Variants in CWC25 observed in about 807,000 individuals in gnomAD.
CWC25 encodes pre-mRNA-splicing factor CWC25 homolog.
Under a neutral mutation model 54.6 loss-of-function variants are expected in CWC25, and 31 were observed. The observed-to-expected ratio is 0.57, with a 90% CI of 0.43 to 0.77. CWC25 has a LOEUF of 0.77. Ranked by LOEUF, CWC25 falls within the 30% of genes least tolerant of loss-of-function variation. The pLI is 0.00. For missense variants in CWC25, 453 were observed against 529.3 expected, an observed-to-expected ratio of 0.86 and a Z score of 1.41; for synonymous variants, 151 against 187.0, an observed-to-expected ratio of 0.81 and a Z score of 1.57.
chr17:38,817,003 T>TC lies in CWC25; in HGVS notation c.192-1907_192-1906insG, dbSNP rs1056913004. Among the ~76,000 whole-genome samples, 279 of 151,220 alleles carry TC rather than the reference T, an allele frequency of 1.8e-3. 4 individuals are homozygous for TC. The highest frequency in any genetic ancestry group is 6.5e-3 in the African/African-American group (267 of 41,104). On this transcript the variant is annotated intron_variant, in intron 2 of 9. Transcript: ENST00000614790. ...GGCCCCAAGACCCTTTAGAATTTTTTTCATATTAAAAAAATGAGTCTGAGA... is the reference window on the plus strand; with the variant it reads ...GGCCCCAAGACCCTTTAGAATTTTTTCTCATATTAAAAAAATGAGTCTGAGA...
intron 3 of CWC25, among the ~76,000 whole-genome samples, chr17:38,814,080 C>G (rs948643544): frequency 7.2e-5 from 11 of 151,738 alleles, no homozygotes; most frequent in Non-Finnish European, 1.3e-4. Flanking sequence ...CCAGGATGGT[C>G]TCGATCTCCT....
intron 1 of CWC25, among the ~76,000 whole-genome samples, chr17:38,821,764 GA>G (rs1239922283): frequency 6.7e-6 from 1 of 150,318 alleles, no homozygotes; most frequent in Non-Finnish European, 1.5e-5. Flanking sequence ...ATGCACTTCT[GA>G]CAGTGGACAT....
chr17:38,818,015 C>A (rs778681555), intron 2 of CWC25, among the ~76,000 whole-genome samples: 1 of 151,694 alleles, frequency 6.6e-6, no homozygotes, highest in Non-Finnish European at 1.5e-5. Flanking sequence ...CAGTGGCTCA[C>A]GCCTGTAATC....
At chr17:38,820,861 A>C in intron 2 of CWC25, 40 bp downstream of exon 2, 1 of 1,584,646 alleles carries the variant, frequency 6.3e-7, no homozygotes, top group Non-Finnish European at 8.6e-7. Flanking sequence ...ACAGCTCTGC[A>C]ATTCCCTACA....
At chr17:38,815,358 C>T (rs1598075021) in intron 2 of CWC25, among the ~76,000 whole-genome samples, 1 of 152,102 alleles carries the variant, frequency 6.6e-6, no homozygotes, top group Non-Finnish European at 1.5e-5. Context: ...GAGTTCGAGA[C>T]CAGCCTGGCC....
chr17:38,810,848 G>C (rs1260036087), intron 4 of CWC25, among the ~76,000 whole-genome samples: 3 of 150,236 alleles, frequency 2.0e-5, no homozygotes, highest in African/African-American at 7.4e-5. Context: ...CCTGAACCAG[G>C]AGGCAGAGGT....
chr17:38,814,979 CCTT>C lies in CWC25; in HGVS notation c.307_309del (p.Lys103del). ...CCTGTTTCAGAAGAGCAGCCTGCCT[CCTT>C]CTCCTCCATCTTCTCAAAAACATAT... On this transcript the variant is annotated inframe_deletion, in exon 3 of 10. Coordinates refer to ENST00000614790, the MANE Select transcript of CWC25 (RefSeq NM_017748.5). The C allele has an allele frequency of 6.2e-7, 1 of 1,613,806 alleles. No individual in the cohort carries two copies. The highest frequency in any genetic ancestry group is 8.5e-7 in the Non-Finnish European group (1 of 1,179,878).
chr17:38,812,656 G>C, intron 4 of CWC25, 139 bp downstream of exon 4: 1 of 542,944 alleles, frequency 1.8e-6, no homozygotes, highest in Non-Finnish European at 3.3e-6. Flanking sequence ...ACATAAAATA[G>C]CCACAACATG....
intron 1 of CWC25, among the ~76,000 whole-genome samples, chr17:38,821,901 C>T (rs1911940993): frequency 6.6e-6 from 1 of 151,920 alleles, no homozygotes; most frequent in South Asian, 2.1e-4. Flanking sequence ...TCCTGAGTAG[C>T]TGGACTATAG....
chr17:38,802,667 T>G (rs761734333), intron 9 of CWC25, 33 bp downstream of exon 9: 1 of 1,611,408 alleles, frequency 6.2e-7, no homozygotes, highest in East Asian at 2.2e-5. Context: ...ACCTTCCCCA[T>G]GAAAGACCCT....
In CWC25 at chr17:38,801,771, C is replaced by T. The variant is rs1007722031; in HGVS notation, c.*321G>A. 2.3e-5 allele frequency: 5 copies of T among 220,664 alleles called. No individual in the cohort carries two copies. The Admixed American group carries it at 2.9e-4, about 13-fold the overall frequency. 13.7% of individuals were successfully genotyped at this position (220,664 alleles called of 1,614,324 possible). The stretch of plus-strand genomic sequence containing the variant: ...TGAGGCAGTGAAATAGGTCTGTTGG[C>T]ACAGGTAAGAAGGAAGTGGCATGAT... On this transcript the variant is annotated 3_prime_UTR_variant, in exon 10 of 10. Transcript: ENST00000614790.
At chr17:38,805,200 C>T (rs940502413) in intron 8 of CWC25, among the ~76,000 whole-genome samples, 2 of 150,668 alleles carry the variant, frequency 1.3e-5, no homozygotes, top group Non-Finnish European at 3.0e-5. Context: ...ACTTGAACCC[C>T]GGAGGCAGAG....
intron 1 of CWC25, among the ~76,000 whole-genome samples, chr17:38,824,367 G>A (rs1271602992): frequency 6.6e-6 from 1 of 152,144 alleles, no homozygotes; most frequent in Non-Finnish European, 1.5e-5. Flanking sequence ...TCAGAAAGAT[G>A]GACAGGAAGA....
intron 6 of CWC25, among the ~76,000 whole-genome samples, chr17:38,808,068 A>AAG (rs1555547829): frequency 8.1e-6 from 1 of 124,068 alleles, no homozygotes; most frequent in African/African-American, 3.3e-5. Context: ...AAAAAAAAAA[A>AAG]AAAAGAAAAG....
intron 2 of CWC25, chr17:38,815,527 G>GGGT (rs1200974580): frequency 3.7e-6 from 2 of 539,876 alleles, no homozygotes; most frequent in African/African-American, 3.9e-5. Context: ...ACTCCAGCCT[G>GGGT]GGTGACGGAG....
chr17:38,823,681 A>ACCATCCGT (rs1912020640), intron 1 of CWC25, among the ~76,000 whole-genome samples: 2 of 152,056 alleles, frequency 1.3e-5, no homozygotes, highest in South Asian at 4.2e-4. Context: ...AGTTGGTCTG[A>ACCATCCGT]CCATCCGTCC....
At chr17:38,814,292 A>T (rs1487749433) in intron 3 of CWC25, among the ~76,000 whole-genome samples, 11 of 143,138 alleles carry the variant, frequency 7.7e-5, no homozygotes, top group Admixed American at 2.1e-4. Flanking sequence ...TTTTATTTTT[A>T]TTTTTTTTTG....
intron 1 of CWC25, among the ~76,000 whole-genome samples, chr17:38,824,544 G>A (rs1174664836): frequency 6.6e-6 from 1 of 152,068 alleles, no homozygotes; most frequent in Admixed American, 6.6e-5. Context: ...AAATTAGCCG[G>A]GTGTGGTGGC....
chr17:38,805,579 G>T (rs1425147394), intron 8 of CWC25, among the ~76,000 whole-genome samples: 1 of 152,164 alleles, frequency 6.6e-6, no homozygotes, highest in Non-Finnish European at 1.5e-5. Flanking sequence ...CTCTCAAACT[G>T]CTGGGATTAC....
Sources: gnomAD v4.1 joint callset for allele counts (sites outside exome capture counted in the v4.1 genomes callset) on GRCh38, gnomAD v4.1.1 for gene constraint, MANE v1.5 for transcripts, NCBI Gene and HGNC (gene_info 2026-07-23, HGNC 2026-07-21) for gene names.